Variants in STK32B observed in about 807,000 individuals in gnomAD.
STK32B encodes the protein serine/threonine-protein kinase 32B.
STK32B carries 43 observed loss-of-function variants against 52.6 expected under a neutral mutation model. The observed-to-expected ratio is 0.82, with a 90% CI of 0.64 to 1.05. The LOEUF (loss-of-function observed/expected upper bound fraction) is 1.05, where lower values mean the gene tolerates loss of function less well. STK32B is among the 50% of genes least tolerant of loss of function. STK32B has a pLI of 0.00. For missense variants in STK32B, 621 were observed against 534.6 expected (o/e 1.16, Z -1.59); for synonymous variants, 238 against 204.3 (o/e 1.17, Z -1.41).
At chr4:5,049,693 G>A (rs918039949), upstream of STK32B, among the ~76,000 whole-genome samples, 1 of 152,132 alleles carries the variant, frequency 6.6e-6, no homozygotes, top group African/African-American at 2.4e-5. Flanking sequence ...TATATGTGCA[G>A]GTCACAGGGG....
At chr4:5,052,528 G>A (rs1321247483) in intron 1 of STK32B, among the ~76,000 whole-genome samples, 1 of 152,134 alleles carries the variant, frequency 6.6e-6, no homozygotes, top group African/African-American at 2.4e-5. Flanking sequence ...TTCCTGGCTG[G>A]ATCCTTGCGG....
chr4:5,248,747 T>C (rs1285296490), intron 3 of STK32B, among the ~76,000 whole-genome samples: 3 of 152,188 alleles, frequency 2.0e-5, no homozygotes, highest in African/African-American at 7.2e-5. Context: ...TATGCAGCCA[T>C]AAAAAGGGTG....
At chr4:5,159,301 G>A (rs770882555) in intron 2 of STK32B, among the ~76,000 whole-genome samples, 7 of 151,872 alleles carry the variant, frequency 4.6e-5, no homozygotes, top group African/African-American at 7.3e-5. Flanking sequence ...AAGGGACTAC[G>A]GAGAAATGCC....
At chr4:5,280,061 A>C (rs987857365) in intron 3 of STK32B, among the ~76,000 whole-genome samples, 1 of 152,168 alleles carries the variant, frequency 6.6e-6, no homozygotes, top group East Asian at 1.9e-4. Flanking sequence ...GCTCTTCTTT[A>C]CTTATGCACA....
intron 6 of STK32B, chr4:5,438,008 C>T (rs1265203167): frequency 2.0e-6 from 2 of 985,358 alleles, no homozygotes; most frequent in East Asian, 2.3e-4. Context: ...TCATGACAGC[C>T]AGGACAGGAT....
intron 3 of STK32B, among the ~76,000 whole-genome samples, chr4:5,258,992 AG>A (rs1304646991): frequency 2.0e-5 from 3 of 152,092 alleles, no homozygotes; most frequent in Non-Finnish European, 4.4e-5. Context: ...CCTGTTTTTC[AG>A]GCACCTGCCT....
intron 3 of STK32B, among the ~76,000 whole-genome samples, chr4:5,178,474 G>A (rs1720097641): frequency 6.6e-6 from 1 of 152,184 alleles, no homozygotes; most frequent in Non-Finnish European, 1.5e-5. Context: ...TTTCCCCATT[G>A]TCTTGGTGAT....
chr4:5,140,692 A>G (rs1451159665), intron 2 of STK32B, among the ~76,000 whole-genome samples: 2 of 152,298 alleles, frequency 1.3e-5, no homozygotes, highest in Non-Finnish European at 2.9e-5. Flanking sequence ...TGATTAGACT[A>G]TTTAAAACTC....
chr4:5,221,713 A>G (rs1446425568), intron 3 of STK32B, among the ~76,000 whole-genome samples: 1 of 151,968 alleles, frequency 6.6e-6, no homozygotes, highest in Non-Finnish European at 1.5e-5. Context: ...AAAATTAGCC[A>G]GGTGTGGTCG....
At chr4:5,305,424 G>A (rs963414033) in intron 3 of STK32B, among the ~76,000 whole-genome samples, 3 of 151,978 alleles carry the variant, frequency 2.0e-5, no homozygotes, top group African/African-American at 7.2e-5. Flanking sequence ...TAGGAAGCTT[G>A]TGTATTTCCA....
At chr4:5,245,470 G>A (rs1725374555) in intron 3 of STK32B, among the ~76,000 whole-genome samples, 1 of 152,016 alleles carries the variant, frequency 6.6e-6, no homozygotes, top group South Asian at 2.1e-4. Context: ...GCCTACGTGA[G>A]CACGTGAGAT....
intron 1 of STK32B, among the ~76,000 whole-genome samples, chr4:5,129,707 A>G (rs1028043477): frequency 6.6e-6 from 1 of 152,154 alleles, no homozygotes; most frequent in African/African-American, 2.4e-5. Flanking sequence ...AATCACCTTA[A>G]CAACCCTAAG....
chr4:5,411,829 T>C (rs779024917), intron 5 of STK32B, among the ~76,000 whole-genome samples: 11 of 152,156 alleles, frequency 7.2e-5, no homozygotes, highest in Non-Finnish European at 1.5e-4. Flanking sequence ...ATGGCTGTTG[T>C]TTAACTCACC....
intron 3 of STK32B, among the ~76,000 whole-genome samples, chr4:5,276,768 A>G (rs961594875): frequency 1.3e-5 from 2 of 152,014 alleles, no homozygotes; most frequent in African/African-American, 4.8e-5. Flanking sequence ...CAGAAACATG[A>G]TGTGCTTGCC....
intron 6 of STK32B, among the ~76,000 whole-genome samples, chr4:5,421,281 G>A (rs28412407): frequency 0.046 from 7,037 of 151,414 alleles, 218 homozygotes; most frequent in Non-Finnish European, 0.062. Context: ...TAGTAGAGAC[G>A]GGGTTTCACT....
At chr4:5,076,880 A>C (rs150065480) in intron 1 of STK32B, among the ~76,000 whole-genome samples, 3 of 152,134 alleles carry the variant, frequency 2.0e-5, no homozygotes, top group African/African-American at 7.2e-5. Flanking sequence ...TTATTCCATC[A>C]TTGTAAAATT....
At position 5,058,558 on chromosome 4, in the gene STK32B, T is replaced by G. The variant is rs1226196659; in HGVS notation, c.52+6643T>G. On this transcript the variant is annotated intron_variant, in intron 1 of 11. Transcript: ENST00000282908. This position sits in a 1 kb window ranked among gnomAD's most constrained non-coding sequence, Gnocchi z 4.8. ...TGGGACAGACTCTTTTCCCATCTTTTTTTGTTTTGTTTTGTTTGTTTGTTT... is the reference window on the plus strand; with the variant it reads ...TGGGACAGACTCTTTTCCCATCTTTGTTTGTTTTGTTTTGTTTGTTTGTTT... 6.6e-6 allele frequency among the ~76,000 whole-genome samples: 1 copy of G among 151,980 alleles called. No individual in the cohort carries two copies. The highest frequency in any genetic ancestry group is 1.5e-5 in the Non-Finnish European group (1 of 68,004).
intron 3 of STK32B, among the ~76,000 whole-genome samples, chr4:5,260,931 A>G (rs1726670039): frequency 6.6e-6 from 1 of 152,136 alleles, no homozygotes; most frequent in African/African-American, 2.4e-5. Flanking sequence ...CTGAAGCTGG[A>G]TGGCTCTTCA....
At chr4:5,056,605 G>A (rs1032335441) in intron 1 of STK32B, among the ~76,000 whole-genome samples, 1 of 152,196 alleles carries the variant, frequency 6.6e-6, no homozygotes, top group Non-Finnish European at 1.5e-5. Context: ...CCTCCATGTT[G>A]ATAGCTCCAG....
Sources: allele counts gnomAD v4.1 joint callset (sites outside exome capture counted in the v4.1 genomes callset), GRCh38; gene constraint gnomAD v4.1.1; non-coding constraint Gnocchi (gnomAD v3.1); transcripts MANE v1.5; gene names NCBI Gene and HGNC (gene_info 2026-07-23, HGNC 2026-07-21).